The following PPEF2 variants were observed in gnomAD, a reference collection of about 807,000 sequenced individuals.
PPEF2 encodes serine/threonine-protein phosphatase with EF-hands 2.
Under a neutral mutation model 84.7 loss-of-function variants are expected in PPEF2, and 84 were observed. The observed-to-expected ratio is 0.99, with a 90% confidence interval of 0.83 to 1.19. The LOEUF (loss-of-function observed/expected upper bound fraction) is 1.19. Among genes scored for constraint, PPEF2 ranks in the 50% most tolerant of loss-of-function variants. The pLI is 0.00. For synonymous variants in PPEF2, 346 were observed against 345.2 expected, an observed-to-expected ratio of 1.00 and a Z score of -0.03; for missense variants, 924 against 937.5, an observed-to-expected ratio of 0.99 and a Z score of 0.19.
chr4:75,878,846 T>C (rs574889386), intron 10 of PPEF2, among the ~76,000 whole-genome samples: 1 of 152,322 alleles, frequency 6.6e-6, no homozygotes, highest in South Asian at 2.1e-4. Flanking sequence ...TGGTGCGATC[T>C]CAGCTCACCA....
At position 75,886,866 on chromosome 4, in the gene PPEF2, A is replaced by C; in HGVS notation, c.565T>G (p.Phe189Val). The change falls in exon 7 of 17, where the codon TTT becomes GTT. Residue 189 changes from phenylalanine (F) to valine (V), a missense_variant. Physicochemically the swap from Phe to Val is conservative, Grantham distance 50. Coordinates refer to ENST00000286719, the MANE Select transcript of PPEF2 (RefSeq NM_006239.3). The part of the protein sequence containing the change: ...DLHGQLDDLI[F>V]IFYKNGLPSP... ...AACATTCATACCTTATAAAATATAAAGATTAAGTCATCCAATTGGCCATGT... is the reference window on the plus strand; with the variant it reads ...AACATTCATACCTTATAAAATATAACGATTAAGTCATCCAATTGGCCATGT... The C allele has an allele frequency of 6.7e-7, 1 of 1,495,048 alleles. No individual in the cohort carries two copies. The highest frequency in any genetic ancestry group is 9.1e-7 in the Non-Finnish European group (1 of 1,092,956). 92.6% of individuals were successfully genotyped at this position (1,495,048 alleles called of 1,614,324 possible).
chr4:75,891,008 G>A (rs1724863887), intron 4 of PPEF2, among the ~76,000 whole-genome samples: 2 of 151,942 alleles, frequency 1.3e-5, no homozygotes, highest in Non-Finnish European at 2.9e-5. Context: ...CATGGTGAAA[G>A]CCCATCTCTA....
intron 5 of PPEF2, among the ~76,000 whole-genome samples, chr4:75,888,531 C>A (rs934217590): frequency 1.3e-5 from 2 of 152,092 alleles, no homozygotes; most frequent in African/African-American, 2.4e-5. Context: ...TCCCACTTGC[C>A]CCCCCTGCAA....
At chr4:75,882,541 T>A (rs990966369) in intron 10 of PPEF2, among the ~76,000 whole-genome samples, 2 of 150,832 alleles carry the variant, frequency 1.3e-5, no homozygotes, top group African/African-American at 4.9e-5. Context: ...TTCTCAATCT[T>A]TTTTTTTTTT....
rs192177939 is a variant in PPEF2 at position 75,891,584 on chromosome 4, C to T, written c.241+64G>A. ...ACGGTTTCACTCCCTGTGCATCCCC[C>T]ACCTCACCGTGTAATCTATGGCCTT... On this transcript the variant is annotated intron_variant, in intron 4 of 16. Coordinates refer to ENST00000286719, the MANE Select transcript of PPEF2 (RefSeq NM_006239.3). 230 of 1,513,434 alleles carry T rather than the reference C, an allele frequency of 1.5e-4. 2 individuals carry two copies. The African/African-American group carries it at 2.9e-3, about 19-fold the overall frequency. 93.8% of individuals were successfully genotyped at this position (1,513,434 alleles called of 1,614,324 possible).
chr4:75,900,554 G>T (rs1210310912), intron 1 of PPEF2, among the ~76,000 whole-genome samples: 1 of 152,148 alleles, frequency 6.6e-6, no homozygotes. Context: ...CTGCCTTGGG[G>T]CTCCCTGGTC....
chr4:75,866,497 G>A, intron 14 of PPEF2, 145 bp from the exon 15 acceptor site: 1 of 1,052,468 alleles, frequency 9.5e-7, no homozygotes, highest in Non-Finnish European at 1.4e-6. Flanking sequence ...GTTGATAGTA[G>A]CAGAGTTGGC....
Position 75,867,388 on chromosome 4 carries a change from C to T in PPEF2, c.1681G>A (p.Ala561Thr), listed in dbSNP as rs76575761. ...ISRVEESALR[A>T]LREKLFAHSS... Reference sequence around the variant, plus strand: ...TGAGCAAACAGCTTCTCCCTCAGAGCTCTCAGAGCCGACTCCTCCACTCTG... The same window carrying T: ...TGAGCAAACAGCTTCTCCCTCAGAGTTCTCAGAGCCGACTCCTCCACTCTG... The change falls in exon 14 of 17, where the codon GCT becomes ACT. Residue 561 changes from alanine to threonine, a missense_variant. Ala to Thr is a moderately conservative substitution (Grantham distance 58, BLOSUM62 0). Transcript: ENST00000286719. 151 of 1,614,004 alleles carry T rather than the reference C, an allele frequency of 9.4e-5. No individual in the cohort carries two copies. In the East Asian group the frequency reaches 3.3e-3, roughly 35 times the overall value.
chr4:75,877,387 A>AGAAAGAAAG, intron 10 of PPEF2, among the ~76,000 whole-genome samples: 1 of 6,632 alleles, frequency 1.5e-4, no homozygotes, highest in African/African-American at 1.5e-4. Context: ...AGAGAGAAAG[A>AGAAAGAAAG]AAGAAGAGGA....
intron 1 of PPEF2, among the ~76,000 whole-genome samples, chr4:75,896,889 CTTTCTTTT>C (rs1452879126): frequency 2.0e-5 from 3 of 151,748 alleles, no homozygotes; most frequent in Non-Finnish European, 4.4e-5. Flanking sequence ...TTCTTTCTTT[CTTTCTTTT>C]TTGAGACAGA....
intron 10 of PPEF2, among the ~76,000 whole-genome samples, chr4:75,880,254 T>G (rs1311306452): frequency 6.6e-6 from 1 of 152,178 alleles, no homozygotes; most frequent in Admixed American, 6.5e-5. Context: ...TTTCTATAAA[T>G]TAGTTGATTA....
At chr4:75,869,852 A>C (rs1391233156) in intron 13 of PPEF2, among the ~76,000 whole-genome samples, 1 of 2,612 alleles carries the variant, frequency 3.8e-4, no homozygotes, top group Non-Finnish European at 8.2e-3. Flanking sequence ...GTCTCACAAA[A>C]AGAAAAAAAA....
At chr4:75,862,292 C>CAAAA (rs545540824) in intron 16 of PPEF2, among the ~76,000 whole-genome samples, 7 of 77,412 alleles carry the variant, frequency 9.0e-5, no homozygotes, top group African/African-American at 3.4e-4. Flanking sequence ...GACTCCATCT[C>CAAAA]AAAAAAAAAA....
intron 16 of PPEF2, among the ~76,000 whole-genome samples, chr4:75,863,335 C>CA (rs55667727): frequency 2.3e-3 from 326 of 140,940 alleles, no homozygotes; most frequent in African/African-American, 8.2e-3. Context: ...ACTAAAAATA[C>CA]AAAAAAAAAA....
At chr4:75,870,730 C>T (rs981869285) in intron 13 of PPEF2, among the ~76,000 whole-genome samples, 7 of 152,080 alleles carry the variant, frequency 4.6e-5, no homozygotes, top group South Asian at 2.1e-4. Context: ...GATTTAACAT[C>T]GGTTCTTTAA....
intron 11 of PPEF2, among the ~76,000 whole-genome samples, chr4:75,875,803 A>G (rs1724392451): frequency 6.6e-6 from 1 of 152,072 alleles, no homozygotes; most frequent in African/African-American, 2.4e-5. Flanking sequence ...TACTGACAGA[A>G]CTGCGGGTTT....
chr4:75,874,627 T>G (rs1012042876), intron 11 of PPEF2, among the ~76,000 whole-genome samples: 1 of 152,130 alleles, frequency 6.6e-6, no homozygotes, highest in African/African-American at 2.4e-5. Flanking sequence ...AAAGTACTTT[T>G]GTAAAAGAAA....
intron 1 of PPEF2, among the ~76,000 whole-genome samples, chr4:75,899,089 A>G (rs1464405691): frequency 2.6e-5 from 4 of 152,154 alleles, no homozygotes; most frequent in African/African-American, 9.7e-5. Context: ...TAGCTCCCAC[A>G]TATGAGTGAG....
chr4:75,895,957 G>T (rs528846215), intron 2 of PPEF2, among the ~76,000 whole-genome samples: 1 of 152,036 alleles, frequency 6.6e-6, no homozygotes, highest in Admixed American at 6.6e-5. Flanking sequence ...ACCTTTGGAC[G>T]TGCTCTACCC....
Sources: gnomAD v4.1 joint callset for allele counts (sites outside exome capture counted in the v4.1 genomes callset) on GRCh38, gnomAD v4.1.1 for gene constraint, MANE v1.5 for transcripts, NCBI Gene and HGNC (gene_info 2026-07-23, HGNC 2026-07-21) for gene names.